GRID2: variants seen among roughly 807,000 people sequenced by gnomAD.
GRID2 encodes the protein glutamate ionotropic receptor delta type subunit 2.
A neutral mutation model predicts 114.8 loss-of-function variants in GRID2; 33 were observed. The observed-to-expected ratio is 0.29, with a 90% CI of 0.22 to 0.38. The LOEUF is 0.38. Ranked by LOEUF, GRID2 falls within the 10% of genes least tolerant of loss-of-function variation. The probability of loss-of-function intolerance (pLI) is 1.00; values close to 1 mark genes in which losing one functional copy is unlikely to be tolerated. For missense variants in GRID2, 1,184 were observed against 1,257.7 expected (o/e 0.94, Z 0.89); for synonymous variants, 505 against 449.9 (o/e 1.12, Z -1.55).
intron 2 of GRID2, among the ~76,000 whole-genome samples, chr4:92,922,277 T>A (rs899455541): frequency 6.6e-6 from 1 of 152,194 alleles, no homozygotes; most frequent in Non-Finnish European, 1.5e-5. Context: ...GGGAATTCCC[T>A]GACCCCTTGC....
At chr4:93,775,673 A>G (rs902847232), downstream of GRID2, among the ~76,000 whole-genome samples, 8 of 152,236 alleles carry the variant, frequency 5.3e-5, no homozygotes, top group African/African-American at 1.9e-4. Flanking sequence ...AAGTACTTTT[A>G]TTCTATTCAA....
At chr4:92,775,535 A>G (rs1291392136) in intron 2 of GRID2, among the ~76,000 whole-genome samples, 1 of 152,154 alleles carries the variant, frequency 6.6e-6, no homozygotes, top group African/African-American at 2.4e-5. Flanking sequence ...AGTATGCTAA[A>G]AATTTCTATT....
intron 13 of GRID2, among the ~76,000 whole-genome samples, chr4:93,542,788 T>C (rs1442007628): frequency 6.6e-6 from 1 of 152,148 alleles, no homozygotes; most frequent in Non-Finnish European, 1.5e-5. Flanking sequence ...CCTTATCTTA[T>C]TCCCCTACTG....
At chr4:93,029,807 ATTAGC>A (rs1277466588) in intron 2 of GRID2, among the ~76,000 whole-genome samples, 1 of 152,208 alleles carries the variant, frequency 6.6e-6, no homozygotes, top group Non-Finnish European at 1.5e-5. Context: ...AAATTGCCTG[ATTAGC>A]TTCTTCTGCC....
chr4:92,719,740 G>C (rs1735722919), intron 2 of GRID2, among the ~76,000 whole-genome samples: 1 of 151,878 alleles, frequency 6.6e-6, no homozygotes, highest in African/African-American at 2.4e-5. Context: ...GGGAGAATAG[G>C]GGGAAGAAAA....
At chr4:92,899,004 T>G (rs1247248310) in intron 2 of GRID2, among the ~76,000 whole-genome samples, 1 of 152,104 alleles carries the variant, frequency 6.6e-6, no homozygotes, top group Non-Finnish European at 1.5e-5. Context: ...AATAAGTTTG[T>G]GTATATAAAA....
chr4:92,985,840 A>G (rs749911136), intron 2 of GRID2, among the ~76,000 whole-genome samples: 2 of 152,192 alleles, frequency 1.3e-5, no homozygotes, highest in Non-Finnish European at 2.9e-5. Flanking sequence ...TTGAAGTTAT[A>G]CATCAATTAT....
intron 14 of GRID2, among the ~76,000 whole-genome samples, chr4:93,718,457 T>C (rs1729091472): frequency 6.6e-6 from 1 of 152,174 alleles, no homozygotes; most frequent in African/African-American, 2.4e-5. Flanking sequence ...AATCTTAAGT[T>C]GATGCATTTT....
intron 2 of GRID2, among the ~76,000 whole-genome samples, chr4:92,846,568 A>G (rs991168096): frequency 6.6e-6 from 1 of 152,046 alleles, no homozygotes; most frequent in African/African-American, 2.4e-5. Flanking sequence ...GTTGCTTATC[A>G]GGTCTTCCCC....
At chr4:93,297,544 G>A (rs1335327984) in intron 8 of GRID2, among the ~76,000 whole-genome samples, 1 of 152,174 alleles carries the variant, frequency 6.6e-6, no homozygotes, top group Non-Finnish European at 1.5e-5. Context: ...AATGAGACAT[G>A]CTCAATGTAG....
intron 8 of GRID2, among the ~76,000 whole-genome samples, chr4:93,330,462 C>T (rs889300708): frequency 3.3e-5 from 5 of 152,122 alleles, no homozygotes; most frequent in Admixed American, 6.6e-5. Context: ...TTGCTACATA[C>T]ATGTATTGAA....
At chr4:93,334,556 G>T (rs185642959) in intron 8 of GRID2, among the ~76,000 whole-genome samples, 2 of 152,278 alleles carry the variant, frequency 1.3e-5, no homozygotes, top group African/African-American at 4.8e-5. Flanking sequence ...AGGATCTGGT[G>T]GTTATATTGG....
chr4:93,034,008 C>T (rs1400989171), intron 2 of GRID2, among the ~76,000 whole-genome samples: 2 of 152,082 alleles, frequency 1.3e-5, no homozygotes, highest in Admixed American at 6.6e-5. Flanking sequence ...CAAGATGAAT[C>T]GTCAGCTCTC....
chr4:92,876,052 C>T (rs1431030530), intron 2 of GRID2, among the ~76,000 whole-genome samples: 1 of 152,008 alleles, frequency 6.6e-6, no homozygotes. Context: ...AATACGCTCT[C>T]AATTCAATCT....
chr4:92,395,681 A>G (rs1365753283), intron 1 of GRID2, among the ~76,000 whole-genome samples: 1 of 151,768 alleles, frequency 6.6e-6, no homozygotes, highest in Non-Finnish European at 1.5e-5. Flanking sequence ...ATATCTAAAA[A>G]ACTCTAGTTA....
At chr4:93,669,494 GA>G (rs35462293) in intron 14 of GRID2, among the ~76,000 whole-genome samples, 52,323 of 151,504 alleles carry the variant, frequency 0.35, 9,231 homozygotes, top group East Asian at 0.58. Flanking sequence ...TACATGTACA[GA>G]AAAAAAATTT....
rs17020812 is a variant in GRID2, at chr4:93,582,829, G to A, written c.2194-43440G>A. Among the ~76,000 whole-genome samples, 488 of 152,180 alleles carry A rather than the reference G, an allele frequency of 3.2e-3. 4 individuals are homozygous for A. Among genetic ancestry groups the A allele is most frequent in the African/African-American group, 0.011 (443 of 41,524 alleles). Reference sequence around the variant, plus strand: ...GTGAGAGAACAAAGCCCCTTCAATAGAAACGATTTTGTATGACATTGTATT... The same window carrying A: ...GTGAGAGAACAAAGCCCCTTCAATAAAAACGATTTTGTATGACATTGTATT... On this transcript the variant is annotated intron_variant, in intron 13 of 15. Coordinates refer to ENST00000282020, the MANE Select transcript of GRID2 (RefSeq NM_001510.4).
At chr4:93,100,787 A>G (rs1381062636) in intron 3 of GRID2, among the ~76,000 whole-genome samples, 1 of 152,042 alleles carries the variant, frequency 6.6e-6, no homozygotes, top group Non-Finnish European at 1.5e-5. Context: ...GAGTAGAGGA[A>G]AAAAATAAGA....
At chr4:93,382,751 T>C (rs969449782) in intron 8 of GRID2, among the ~76,000 whole-genome samples, 14 of 152,172 alleles carry the variant, frequency 9.2e-5, no homozygotes, top group African/African-American at 2.9e-4. Flanking sequence ...TGGCTTATTT[T>C]ATTTTATTTT....
Sources: gnomAD v4.1 joint callset for allele counts (sites outside exome capture counted in the v4.1 genomes callset) on GRCh38, gnomAD v4.1.1 for gene constraint, MANE v1.5 for transcripts, NCBI Gene and HGNC (gene_info 2026-07-23, HGNC 2026-07-21) for gene names.